The following NAV2 variants were observed in gnomAD, a reference collection of about 807,000 sequenced individuals.
The protein encoded by NAV2 is neuron navigator 2.
In NAV2, 54 loss-of-function variants were observed where a neutral mutation model predicts 223.2. The observed-to-expected ratio is 0.24, with a 90% confidence interval of 0.19 to 0.30. The LOEUF is 0.30. Among genes scored for constraint, NAV2 ranks in the 10% least tolerant of loss-of-function variants. The pLI is 1.00. For synonymous variants in NAV2, 1,279 were observed against 1,239.3 expected, an observed-to-expected ratio of 1.03 and a Z score of -0.67; for missense variants, 2,806 against 3,147.5, an observed-to-expected ratio of 0.89 and a Z score of 2.60.
rs531752623 is a variant in NAV2 at position 20,036,132 on chromosome 11, A to T, written c.2907+35A>T. The T allele has an allele frequency of 7.4e-6, 12 of 1,613,530 alleles. No individual in the cohort carries two copies. The South Asian group carries it at 1.2e-4, about 16-fold the overall frequency. ...ACAGGCCCTCCCAGGCTCCTCCAGCAGCCTCTGGCAGCAGGGAACCTTGGG... is the reference window on the plus strand; with the variant it reads ...ACAGGCCCTCCCAGGCTCCTCCAGCTGCCTCTGGCAGCAGGGAACCTTGGG... On this transcript the variant is annotated intron_variant, in intron 12 of 37. Coordinates refer to ENST00000349880, the MANE Select transcript of NAV2 (RefSeq NM_145117.5).
intron 9 of NAV2, among the ~76,000 whole-genome samples, chr11:19,947,685 C>T (rs1036743314): frequency 3.9e-5 from 6 of 152,188 alleles, no homozygotes; most frequent in African/African-American, 7.2e-5. Flanking sequence ...GAAACTGCAG[C>T]GCTGTGAAAA....
chr11:20,114,768 C>T lies in NAV2; in HGVS notation c.7137C>T (p.Pro2379=). 6.2e-7 allele frequency: 1 copy of T among 1,613,798 alleles called. No homozygotes were observed. The highest frequency in any genetic ancestry group is 1.1e-5 in the South Asian group (1 of 91,002). Residue 2379 remains proline, a synonymous_variant, in exon 37 of 38, where the codon CCC becomes CCT. Transcript: ENST00000349880. ...AGGGATCGACAAGCAAGCAGATGCCCCCCAGTGATGCTGAAGGTGACCCGC... is the reference window on the plus strand; with the variant it reads ...AGGGATCGACAAGCAAGCAGATGCCTCCCAGTGATGCTGAAGGTGACCCGC... The part of the protein sequence containing the change: ...PREGSTSKQM[P]PSDAEGDPLM...
chr11:19,603,853 C>T (rs778756325), intron 1 of NAV2, among the ~76,000 whole-genome samples: 4 of 151,964 alleles, frequency 2.6e-5, no homozygotes, highest in African/African-American at 7.3e-5. Flanking sequence ...AGGTTCAAGA[C>T]GGCCTTTCTG....
At chr11:19,731,930 G>T (rs1002107299) in intron 1 of NAV2, among the ~76,000 whole-genome samples, 1 of 152,156 alleles carries the variant, frequency 6.6e-6, no homozygotes, top group Admixed American at 6.5e-5. Flanking sequence ...GGTTAGGAAT[G>T]CTTGGGCCCC....
rs1217259376 is a variant in NAV2, at chr11:19,983,797, GCTGACATTGAAAAGAATGT to G, written c.2646-326_2646-308del. ...AGGTAAAACACCTGCTTGTATAATC[GCTGACATTGAAAAGAATGT>G]CATGAATCCATGTGACAGTTAATTT... On this transcript the variant is annotated intron_variant, in intron 10 of 37. Transcript: ENST00000349880. 2.6e-5 allele frequency among the ~76,000 whole-genome samples: 4 copies of G among 152,150 alleles called. No individual in the cohort carries two copies. In the South Asian group the frequency reaches 6.2e-4, roughly 24 times the overall value.
chr11:19,362,544 G>A (rs146821788), intron 1 of NAV2, among the ~76,000 whole-genome samples: 136 of 152,282 alleles, frequency 8.9e-4, no homozygotes, highest in African/African-American at 3.2e-3. Flanking sequence ...ACACAGACCT[G>A]TTTGGAAAGC....
intron 4 of NAV2, among the ~76,000 whole-genome samples, chr11:19,869,449 T>C (rs970484799): frequency 2.0e-5 from 3 of 152,218 alleles, no homozygotes; most frequent in African/African-American, 7.2e-5. Flanking sequence ...AAAAAGCATG[T>C]GATTTATTAA....
chr11:19,677,079 A>C (rs1362796759), intron 1 of NAV2, among the ~76,000 whole-genome samples: 2 of 152,220 alleles, frequency 1.3e-5, no homozygotes, highest in Admixed American at 6.5e-5. Flanking sequence ...TGGCCTTGTG[A>C]AGTGGAGAAC....
chr11:19,765,693 G>C (rs1311557490), intron 1 of NAV2, among the ~76,000 whole-genome samples: 1 of 152,114 alleles, frequency 6.6e-6, no homozygotes, highest in African/African-American at 2.4e-5. Context: ...CTTGCTGGCT[G>C]TTTGGGGGCA....
At chr11:19,437,092 A>G (rs1032796835) in intron 1 of NAV2, among the ~76,000 whole-genome samples, 1 of 152,252 alleles carries the variant, frequency 6.6e-6, no homozygotes, top group South Asian at 2.1e-4. Flanking sequence ...AATTACTAAA[A>G]TGAGGTAGGC....
intron 3 of NAV2, among the ~76,000 whole-genome samples, chr11:19,868,580 A>G (rs1207956658): frequency 6.6e-6 from 1 of 152,172 alleles, no homozygotes; most frequent in African/African-American, 2.4e-5. Context: ...AGCTGCTGGT[A>G]GATGGGTGTG....
At chr11:19,936,219 T>C (rs2045891695) in intron 7 of NAV2, among the ~76,000 whole-genome samples, 2 of 151,992 alleles carry the variant, frequency 1.3e-5, no homozygotes, top group Admixed American at 1.3e-4. Flanking sequence ...CATATGAAAT[T>C]TTTATAATTC....
chr11:20,042,582 T>A (rs2057025867), intron 12 of NAV2, among the ~76,000 whole-genome samples: 1 of 151,982 alleles, frequency 6.6e-6, no homozygotes, highest in African/African-American at 2.4e-5. Context: ...GTTGGGGTGG[T>A]GTTGGGGAGG....
chr11:19,943,295 G>A (rs748489161), intron 8 of NAV2, among the ~76,000 whole-genome samples: 1 of 151,992 alleles, frequency 6.6e-6, no homozygotes, highest in Non-Finnish European at 1.5e-5. Context: ...AGTCATTAGG[G>A]GAAGGTATAA....
At chr11:19,584,056 G>A (rs899935073) in intron 1 of NAV2, among the ~76,000 whole-genome samples, 1 of 152,080 alleles carries the variant, frequency 6.6e-6, no homozygotes, top group Non-Finnish European at 1.5e-5. Context: ...CAATTTCAGA[G>A]CCTGTTATTG....
rs879937051 is a variant in NAV2, at chr11:20,070,994, T to C, written c.4983+2596T>C. Among the ~76,000 whole-genome samples the C allele has an allele frequency of 2.6e-5, 4 of 152,156 alleles. No individual in the cohort carries two copies. The East Asian group carries it at 5.8e-4, about 22-fold the overall frequency. On this transcript the variant is annotated intron_variant, in intron 22 of 37. Coordinates refer to ENST00000349880, the MANE Select transcript of NAV2 (RefSeq NM_145117.5). ...ATTATACTTTAAGTTCTGGGGTACA[T>C]GTGCAGAATGTGCAGGTTCGTTACG... is the stretch of plus-strand genomic sequence containing the variant.
chr11:19,926,128 A>C (rs2044727395), intron 6 of NAV2, among the ~76,000 whole-genome samples: 1 of 152,208 alleles, frequency 6.6e-6, no homozygotes, highest in African/African-American at 2.4e-5. Flanking sequence ...AAGTCACTGG[A>C]ATTTTGATAA....
At chr11:19,719,387 C>T (rs765692842) in intron 1 of NAV2, among the ~76,000 whole-genome samples, 3 of 152,084 alleles carry the variant, frequency 2.0e-5, no homozygotes, top group Non-Finnish European at 4.4e-5. Context: ...GTGGTAAATT[C>T]GACTTTATTG....
chr11:19,563,686 A>G (rs1474454899), intron 1 of NAV2, among the ~76,000 whole-genome samples: 2 of 152,168 alleles, frequency 1.3e-5, no homozygotes, highest in African/African-American at 4.8e-5. Context: ...AGCGATTCAC[A>G]TGCCCCCAAA....
Sources: allele counts gnomAD v4.1 joint callset (sites outside exome capture counted in the v4.1 genomes callset), GRCh38; gene constraint gnomAD v4.1.1; transcripts MANE v1.5; gene names NCBI Gene and HGNC (gene_info 2026-07-23, HGNC 2026-07-21).